The following CTNNA3 variants were observed in gnomAD, a reference collection of about 807,000 sequenced individuals.
CTNNA3 encodes the protein catenin alpha-3.
CTNNA3 carries 76 observed loss-of-function variants against 95.7 expected under a neutral mutation model. The observed-to-expected ratio is 0.79, with a 90% confidence interval of 0.66 to 0.96. CTNNA3 has a LOEUF of 0.96. CTNNA3 is among the 40% of genes least tolerant of loss of function. The pLI, the probability that CTNNA3 is intolerant of heterozygous loss-of-function variation, is 0.00. For synonymous variants in CTNNA3, 431 were observed against 374.4 expected, an observed-to-expected ratio of 1.15 and a Z score of -1.74; for missense variants, 1,191 against 1,089.8, an observed-to-expected ratio of 1.09 and a Z score of -1.31.
chr10:66,632,782 G>C (rs1180019184), intron 9 of CTNNA3, among the ~76,000 whole-genome samples: 1 of 151,528 alleles, frequency 6.6e-6, no homozygotes, highest in Non-Finnish European at 1.5e-5. Flanking sequence ...AAATACAAAA[G>C]ATAGGCAAAA....
intron 13 of CTNNA3, among the ~76,000 whole-genome samples, chr10:66,203,576 C>T (rs1331264874): frequency 1.3e-5 from 2 of 151,834 alleles, no homozygotes; most frequent in African/African-American, 4.8e-5. Flanking sequence ...ATAGGCTTAA[C>T]CTCAAATATT....
chr10:66,194,424 A>G (rs1002588785), intron 13 of CTNNA3, among the ~76,000 whole-genome samples: 2 of 152,112 alleles, frequency 1.3e-5, no homozygotes, highest in African/African-American at 4.8e-5. Context: ...TACTAAAAAT[A>G]CAAAAATTAG....
intron 9 of CTNNA3, among the ~76,000 whole-genome samples, chr10:66,696,030 C>T (rs924396109): frequency 4.6e-5 from 7 of 152,022 alleles, no homozygotes; most frequent in African/African-American, 1.7e-4. Context: ...GTATGGCATT[C>T]TCACTTACAT....
At chr10:67,679,999 T>C (rs1840597554) in intron 1 of CTNNA3, among the ~76,000 whole-genome samples, 1 of 152,268 alleles carries the variant, frequency 6.6e-6, no homozygotes, top group African/African-American at 2.4e-5. Context: ...AATTGTCATA[T>C]ATTCTTTCAT....
chr10:66,840,323 ATCTCTCTCTCTCTCTCTCTCTCTC>A (rs71035189), intron 7 of CTNNA3, among the ~76,000 whole-genome samples: 1 of 90,638 alleles, frequency 1.1e-5, no homozygotes, highest in Non-Finnish European at 2.0e-5. Context: ...CCAAGAAGCC[ATCTCTCTCTCTCTCTCTCTCTCTC>A]TCTCTCTCTC....
At chr10:67,081,990 A>T (rs973174123) in intron 7 of CTNNA3, among the ~76,000 whole-genome samples, 8 of 152,142 alleles carry the variant, frequency 5.3e-5, no homozygotes, top group Admixed American at 2.6e-4. Flanking sequence ...CCAGCACATA[A>T]CACAGTTCCT....
chr10:67,555,389 T>G (rs1166668416), intron 3 of CTNNA3, among the ~76,000 whole-genome samples: 1 of 152,236 alleles, frequency 6.6e-6, no homozygotes, highest in Non-Finnish European at 1.5e-5. Context: ...TCCATGAGCA[T>G]GGAATGTTCT....
intron 13 of CTNNA3, among the ~76,000 whole-genome samples, chr10:66,256,785 C>A (rs773927282): frequency 6.6e-6 from 1 of 151,994 alleles, no homozygotes; most frequent in South Asian, 2.1e-4. Context: ...ATGGCGACAG[C>A]ACTGGCACAT....
intron 9 of CTNNA3, among the ~76,000 whole-genome samples, chr10:66,684,737 C>T (rs1213190932): frequency 1.3e-5 from 2 of 152,036 alleles, no homozygotes; most frequent in African/African-American, 2.4e-5. Context: ...TACTTATAAA[C>T]ATTTCTTGGA....
chr10:67,122,918 T>C (rs1375933691), intron 7 of CTNNA3, among the ~76,000 whole-genome samples: 4 of 152,050 alleles, frequency 2.6e-5, no homozygotes, highest in Non-Finnish European at 5.9e-5. Context: ...TTAATAAAAA[T>C]AAGCACTTCT....
intron 3 of CTNNA3, among the ~76,000 whole-genome samples, chr10:67,547,762 A>G (rs1840890220): frequency 6.6e-6 from 1 of 152,212 alleles, no homozygotes. Context: ...AACCATTACA[A>G]AAGTAAATAC....
Position 66,472,138 on chromosome 10 carries a change from T to G in CTNNA3, c.1531+48479A>C, listed in dbSNP as rs535499036. Among the ~76,000 whole-genome samples, 2 of 151,924 alleles carry G rather than the reference T, an allele frequency of 1.3e-5. 1 individual carries two copies. On this transcript the variant is annotated intron_variant, in intron 11 of 17. Coordinates refer to ENST00000433211, the MANE Select transcript of CTNNA3 (RefSeq NM_013266.4). ...AATAAGATGCTAGCCTATATACACA[T>G]CATAGAAGCTTGAAATTGGCCAAGT...
intron 15 of CTNNA3, among the ~76,000 whole-genome samples, chr10:66,066,474 A>G (rs1213072508): frequency 3.3e-5 from 5 of 152,144 alleles, no homozygotes. Flanking sequence ...ACATATACAA[A>G]CAGATTTCTC....
chr10:67,738,995 G>A (rs1045423212), intron 1 of CTNNA3, among the ~76,000 whole-genome samples: 2 of 152,148 alleles, frequency 1.3e-5, no homozygotes, highest in Admixed American at 6.5e-5. Flanking sequence ...CGGGGAGACT[G>A]GAACCAAGTT....
chr10:66,259,730 T>C (rs1416928022), intron 13 of CTNNA3, among the ~76,000 whole-genome samples: 1 of 152,164 alleles, frequency 6.6e-6, no homozygotes, highest in East Asian at 1.9e-4. Flanking sequence ...CAATCTCCAG[T>C]GCCTCACTAT....
intron 6 of CTNNA3, among the ~76,000 whole-genome samples, chr10:67,208,093 C>A (rs967501691): frequency 6.6e-6 from 1 of 152,180 alleles, no homozygotes; most frequent in South Asian, 2.1e-4. Flanking sequence ...AACAGCCAGG[C>A]CAGGCGCGGT....
Position 67,028,018 on chromosome 10 carries a change from T to C in CTNNA3, c.1047+152299A>G, listed in dbSNP as rs147716734. On this transcript the variant is annotated intron_variant, in intron 7 of 17. Coordinates refer to ENST00000433211, the MANE Select transcript of CTNNA3 (RefSeq NM_013266.4). ...CAAGTAAGGTAGCTGGTATTAACTG[T>C]ATTTCATATGTGAAAAAGACCAGCT... Among the ~76,000 whole-genome samples the C allele has an allele frequency of 3.4e-3, 517 of 152,318 alleles. 6 individuals are homozygous for C. Among genetic ancestry groups the C allele is most frequent in the African/African-American group, 0.011 (477 of 41,574 alleles).
At chr10:67,457,014 C>G (rs1847198209) in intron 5 of CTNNA3, among the ~76,000 whole-genome samples, 1 of 152,066 alleles carries the variant, frequency 6.6e-6, no homozygotes, top group Non-Finnish European at 1.5e-5. Flanking sequence ...AGTAAGCATC[C>G]AGGGTAAGCC....
chr10:66,278,158 A>T (rs1439994930), intron 13 of CTNNA3, among the ~76,000 whole-genome samples: 2 of 146,130 alleles, frequency 1.4e-5, no homozygotes, highest in Non-Finnish European at 3.0e-5. Flanking sequence ...AGAACAAATC[A>T]AAATAAAGGA....
Sources: gnomAD v4.1 joint callset for allele counts (sites outside exome capture counted in the v4.1 genomes callset) on GRCh38, gnomAD v4.1.1 for gene constraint, MANE v1.5 for transcripts, NCBI Gene and HGNC (gene_info 2026-07-23, HGNC 2026-07-21) for gene names.